The following BCAS3 variants were observed in gnomAD, a reference collection of about 807,000 sequenced individuals.
BCAS3 encodes the protein BCAS4/BCAS3 fusion.
Under a neutral mutation model 116.1 loss-of-function variants are expected in BCAS3, and 53 were observed. That is an observed-to-expected ratio of 0.46 (90% CI 0.37 to 0.57). BCAS3 has a LOEUF of 0.57. Among genes scored for constraint, BCAS3 ranks in the 20% least tolerant of loss-of-function variants. The pLI is 0.00. For synonymous variants in BCAS3, 391 were observed against 408.2 expected, an observed-to-expected ratio of 0.96 and a Z score of 0.51; for missense variants, 917 against 1,165.4, an observed-to-expected ratio of 0.79 and a Z score of 3.10.
At chr17:61,218,498 A>T (rs1601968459) in intron 22 of BCAS3, among the ~76,000 whole-genome samples, 1 of 152,220 alleles carries the variant, frequency 6.6e-6, no homozygotes, top group Admixed American at 6.5e-5. Flanking sequence ...AGTAATTGCA[A>T]CTGCATTATA....
At chr17:61,329,325 G>GTTATTATTATTA (rs201735697) in intron 22 of BCAS3, among the ~76,000 whole-genome samples, 2 of 143,992 alleles carry the variant, frequency 1.4e-5, no homozygotes, top group African/African-American at 5.1e-5. Flanking sequence ...TCCAGGCCAT[G>GTTATTATTATTA]TTATTATTAT....
In BCAS3 at chr17:61,365,216, G is replaced by A. The variant is rs1037283847; in HGVS notation, c.2426-3111G>A. Among the ~76,000 whole-genome samples the A allele has an allele frequency of 1.3e-5, 2 of 152,104 alleles. No homozygotes were observed. Among genetic ancestry groups the A allele is most frequent in the Non-Finnish European group, 2.9e-5 (2 of 68,028 alleles). On this transcript the variant is annotated intron_variant, in intron 22 of 23. Transcript: ENST00000407086. This position sits in a 1 kb window ranked among gnomAD's most constrained non-coding sequence, Gnocchi z 4.6. ...GACACTAGCTCATGATTCTTTTCTC[G>A]TGCGTACTGTTACTTTATCCCTTAA...
chr17:61,050,024 C>T (rs1693276531), intron 19 of BCAS3, among the ~76,000 whole-genome samples: 1 of 151,966 alleles, frequency 6.6e-6, no homozygotes, highest in African/African-American at 2.4e-5. Context: ...TGAGCCACTG[C>T]GCCCAGCCAG....
At chr17:60,874,790 C>A (rs776401130) in intron 9 of BCAS3, 52 bp downstream of exon 9, 10 of 1,131,632 alleles carry the variant, frequency 8.8e-6, no homozygotes, top group Non-Finnish European at 1.2e-5. Context: ...ATACTACTTA[C>A]TTGACACAAT....
At chr17:61,143,183 AGTAAAAAACATT>A (rs2077014381) in intron 22 of BCAS3, among the ~76,000 whole-genome samples, 6 of 152,302 alleles carry the variant, frequency 3.9e-5, no homozygotes, top group Middle Eastern at 3.4e-3. Flanking sequence ...TGTTCTTGTT[AGTAAAAAACATT>A]GCTAGGATGT....
chr17:60,776,687 C>G (rs2045320729), intron 6 of BCAS3, among the ~76,000 whole-genome samples: 2 of 149,516 alleles, frequency 1.3e-5, no homozygotes, highest in Non-Finnish European at 3.0e-5. Context: ...CCACTGTACT[C>G]CAGCCTGGGT....
rs932608561 is a variant in BCAS3, at chr17:61,029,995, T to A, written c.1638-4671T>A. Among the ~76,000 whole-genome samples, 4 of 152,072 alleles carry A rather than the reference T, an allele frequency of 2.6e-5. No individual in the cohort carries two copies. The highest frequency in any genetic ancestry group is 2.0e-4 in the Admixed American group (3 of 15,252). ...AATAATTTCAGACAGATTATTAATA[T>A]CTTTAGTTATTTGAAATAAAATGCT... is the stretch of plus-strand genomic sequence containing the variant. On this transcript the variant is annotated intron_variant, in intron 16 of 23. Coordinates refer to ENST00000407086, the MANE Select transcript of BCAS3 (RefSeq NM_017679.5). The surrounding 1 kb of genome is among the most constrained non-coding windows in gnomAD (Gnocchi z 5.2).
chr17:60,874,824 C>G, intron 9 of BCAS3, 86 bp downstream of exon 9: 1 of 767,508 alleles, frequency 1.3e-6, no homozygotes, highest in East Asian at 2.7e-5. Flanking sequence ...GTAATTTTCT[C>G]AACAGTACTT....
chr17:61,034,707 T>A lies in BCAS3; in HGVS notation c.1679T>A (p.Met560Lys). Residue 560 changes from methionine (M) to lysine (K), a missense_variant, in exon 17 of 24, where the codon ATG (methionine) becomes AAG (lysine). By Grantham distance (95) the Met-to-Lys change is moderately conservative. Transcript: ENST00000407086. The surrounding 1 kb of genome is among the most constrained non-coding windows in gnomAD (Gnocchi z 5.0). Reference protein sequence around the residue: ...PPPQISPSKSMGGEFCVAAIF... With the variant: ...PPPQISPSKSKGGEFCVAAIF... ...CCACAAATTTCACCCAGCAAATCGA[T>A]GGGCGGAGAATTTTGTGTGGCTGCT... The A allele has an allele frequency of 6.2e-7, 1 of 1,612,352 alleles. No homozygotes were observed. Among genetic ancestry groups the A allele is most frequent in the Admixed American group, 1.7e-5 (1 of 59,938 alleles).
chr17:60,701,513 A>G (rs1470248139), intron 4 of BCAS3, among the ~76,000 whole-genome samples: 8 of 152,164 alleles, frequency 5.3e-5, no homozygotes, highest in Non-Finnish European at 1.5e-5. Context: ...GAATAAATAC[A>G]TTGGAAAATT....
At chr17:60,757,890 T>A (rs1435557506) in intron 6 of BCAS3, among the ~76,000 whole-genome samples, 1 of 152,174 alleles carries the variant, frequency 6.6e-6, no homozygotes, top group Non-Finnish European at 1.5e-5. Context: ...TCTTACTGTT[T>A]TAGGTCTTAA....
At chr17:60,885,855 T>C (rs1490210061) in intron 9 of BCAS3, among the ~76,000 whole-genome samples, 1 of 146,502 alleles carries the variant, frequency 6.8e-6, no homozygotes, top group Non-Finnish European at 1.5e-5. Context: ...TAACCCGACC[T>C]TTCTCTCTGG....
chr17:60,973,734 A>G (rs1159809069), intron 14 of BCAS3, among the ~76,000 whole-genome samples: 1 of 151,738 alleles, frequency 6.6e-6, no homozygotes, highest in East Asian at 1.9e-4. Context: ...CTGGGATTAC[A>G]GGCGCATGCA....
chr17:61,342,827 G>A (rs1425614003), intron 22 of BCAS3, among the ~76,000 whole-genome samples: 1 of 148,572 alleles, frequency 6.7e-6, no homozygotes, highest in African/African-American at 2.5e-5. Flanking sequence ...TCTCGACTCT[G>A]TAACCCCCGC....
At chr17:60,717,217 CTT>C (rs568833782) in intron 5 of BCAS3, among the ~76,000 whole-genome samples, 13 of 133,826 alleles carry the variant, frequency 9.7e-5, no homozygotes, top group African/African-American at 1.6e-4. Flanking sequence ...TCTTCTTCTT[CTT>C]TTTTTTTTTT....
chr17:61,051,053 T>A lies in BCAS3; in HGVS notation c.2029+10161T>A, dbSNP rs2068812507. Among the ~76,000 whole-genome samples the A allele has an allele frequency of 6.6e-6, 1 of 152,010 alleles. No homozygotes were observed. On this transcript the variant is annotated intron_variant, in intron 19 of 23. Coordinates refer to ENST00000407086, the MANE Select transcript of BCAS3 (RefSeq NM_017679.5). This position sits in a 1 kb window ranked among gnomAD's most constrained non-coding sequence, Gnocchi z 4.1. ...GTTCACAGAAGAAATCTAAAGGGAA[T>A]TAAGAAATTATTTTTGACTGAATGA...
At chr17:61,062,302 A>C (rs1027717620) in intron 19 of BCAS3, among the ~76,000 whole-genome samples, 1 of 152,186 alleles carries the variant, frequency 6.6e-6, no homozygotes, top group African/African-American at 2.4e-5. Context: ...AACTACTATT[A>C]GTAATGTATT....
intron 21 of BCAS3, among the ~76,000 whole-genome samples, chr17:61,079,861 G>C: frequency 7.0e-6 from 1 of 143,042 alleles, no homozygotes; most frequent in Non-Finnish European, 1.5e-5. Context: ...CTCCCAAAAT[G>C]CTGGGATTAC....
intron 19 of BCAS3, among the ~76,000 whole-genome samples, chr17:61,042,986 T>A (rs572290304): frequency 6.7e-6 from 1 of 150,010 alleles, no homozygotes; most frequent in African/African-American, 2.5e-5. Flanking sequence ...GGCTAGGTGA[T>A]CCTAGAGCAA....
Sources: allele counts gnomAD v4.1 joint callset (sites outside exome capture counted in the v4.1 genomes callset), GRCh38; gene constraint gnomAD v4.1.1; non-coding constraint Gnocchi (gnomAD v3.1); transcripts MANE v1.5; gene names NCBI Gene and HGNC (gene_info 2026-07-23, HGNC 2026-07-21).